SH2D3A: variants seen among roughly 807,000 people sequenced by gnomAD.
SH2D3A encodes the protein SH2 domain-containing protein 3A.
In SH2D3A, 46 loss-of-function variants were observed where a neutral mutation model predicts 50.6. That is an observed-to-expected ratio of 0.91 (90% CI 0.72 to 1.16). The LOEUF is 1.16. SH2D3A is among the 50% of genes most tolerant of loss of function. The probability of loss-of-function intolerance (pLI) is 0.00; values close to 1 mark genes in which losing one functional copy is unlikely to be tolerated. For missense variants in SH2D3A, 783 were observed against 786.2 expected (o/e 1.00, Z 0.05); for synonymous variants, 377 against 348.4 (o/e 1.08, Z -0.91).
In SH2D3A at chr19:6,752,455, C is replaced by A; in HGVS notation, c.*138G>T. On this transcript the variant is annotated 3_prime_UTR_variant, in exon 10 of 10. Coordinates refer to ENST00000245908, the MANE Select transcript of SH2D3A (RefSeq NM_005490.3). ...TTCACCATGGTCCAGGTGACCCTGA[C>A]TGCGGTCCCCACCTCTTCTGTGAGG... 1.4e-6 allele frequency: 1 copy of A among 736,098 alleles called. No homozygotes were observed. Among genetic ancestry groups the A allele is most frequent in the Non-Finnish European group, 2.0e-6 (1 of 510,680 alleles). 45.6% of individuals were successfully genotyped at this position (736,098 alleles called of 1,614,324 possible).
chr19:6,761,193 G>A, intron 2 of SH2D3A: 1 of 576,476 alleles, frequency 1.7e-6, no homozygotes, highest in Non-Finnish European at 3.1e-6. Context: ...AGGTTCCCTT[G>A]CGGCTAGGGT....
intron 4 of SH2D3A, 43 bp from the exon 5 acceptor site, chr19:6,755,358 G>A (rs1437234735): frequency 1.4e-6 from 2 of 1,380,422 alleles, no homozygotes; most frequent in African/African-American, 2.9e-5. Flanking sequence ...ACACAGGGAA[G>A]ATTGCTGAAT....
rs2144624433 is a variant in SH2D3A, at chr19:6,760,878, A to G, written c.179T>C (p.Phe60Ser). 1 of 1,614,134 alleles carries G rather than the reference A, an allele frequency of 6.2e-7. No individual in the cohort carries two copies. Among genetic ancestry groups the G allele is most frequent in the East Asian group, 2.2e-5 (1 of 44,902 alleles). The part of the protein sequence containing the change: ...SCRWRGSALH[F>S]EVFRVALRPR... ...ACGCAGGGCCACACGGAACACCTCA[A>G]AATGGAGGGCTGAGCCCCGCCAGCG... Residue 60 changes from phenylalanine (F) to serine (S), a missense_variant, in exon 3 of 10, where the codon TTT becomes TCT. Coordinates refer to ENST00000245908, the MANE Select transcript of SH2D3A (RefSeq NM_005490.3).
intron 4 of SH2D3A, among the ~76,000 whole-genome samples, chr19:6,756,995 C>A (rs879700662): frequency 1.3e-5 from 2 of 152,076 alleles, no homozygotes; most frequent in Admixed American, 1.3e-4. Context: ...TTCAGCCTCC[C>A]GAGTAGCTGG....
chr19:6,760,825 A>G lies in SH2D3A; in HGVS notation c.232T>C (p.Phe78Leu). Reference protein sequence around the residue: ...RPRPGRPTALFQLEDEQFPSI... With the variant: ...RPRPGRPTALLQLEDEQFPSI... ...GGGAATTGCTCATCCTCCAGTTGAA[A>G]GAGGGCTGTGGGTCGGCCTGGCCGG... Residue 78 changes from phenylalanine to leucine, a missense_variant, in exon 3 of 10, where the codon TTT (phenylalanine) becomes CTT (leucine). Coordinates refer to ENST00000245908, the MANE Select transcript of SH2D3A (RefSeq NM_005490.3). 5.0e-6 allele frequency: 8 copies of G among 1,614,264 alleles called. No individual in the cohort carries two copies. Among genetic ancestry groups the G allele is most frequent in the Non-Finnish European group, 6.8e-6 (8 of 1,180,038 alleles).
At chr19:6,760,504 G>C in intron 3 of SH2D3A, 134 bp downstream of exon 3, 1 of 708,364 alleles carries the variant, frequency 1.4e-6, no homozygotes, top group Non-Finnish European at 2.3e-6. Context: ...GTTGCAGTGA[G>C]CTGAAATCAT....
chr19:6,762,742 C>A (rs113484362), intron 2 of SH2D3A, among the ~76,000 whole-genome samples: 2 of 147,000 alleles, frequency 1.4e-5, no homozygotes, highest in African/African-American at 5.0e-5. Context: ...TGGTTTGGAA[C>A]TCCTGACCTC....
At position 6,754,676 on chromosome 19, in the gene SH2D3A, G is replaced by T; in HGVS notation, c.1037C>A (p.Ser346Tyr). 6.2e-7 allele frequency: 1 copy of T among 1,614,216 alleles called. No individual in the cohort carries two copies. The highest frequency in any genetic ancestry group is 8.5e-7 in the Non-Finnish European group (1 of 1,180,034). The change falls in exon 6 of 10, where the codon TCT becomes TAT. Residue 346 changes from serine (S) to tyrosine (Y), a missense_variant. Transcript: ENST00000245908. ...GGGAAGAGTGAGCAGCTCCAGGCCA[G>T]ATGAGACTCCCATGTTGCCCCGCTG... ...RDQRGNMGVS[S>Y]GLELLTLPHG...
chr19:6,766,610 GAGCACTT>G (rs1241854348), intron 1 of SH2D3A, among the ~76,000 whole-genome samples: 2 of 152,196 alleles, frequency 1.3e-5, no homozygotes, highest in Non-Finnish European at 1.5e-5. Flanking sequence ...ACCATTGCTG[GAGCACTT>G]GCTGTGCACC....
intron 3 of SH2D3A, 124 bp from the exon 4 acceptor site, chr19:6,759,794 G>T: frequency 1.1e-6 from 1 of 881,622 alleles, no homozygotes. Flanking sequence ...GGTGACCTAC[G>T]TCCAGGGGAC....
rs551571895 is a variant in SH2D3A, at chr19:6,762,654, A to G, written c.69+1026T>C. 3.4e-5 allele frequency among the ~76,000 whole-genome samples: 5 copies of G among 147,854 alleles called. No homozygotes were observed. The South Asian group carries it at 6.5e-4, about 19-fold the overall frequency. ...CCTGAGTAGTTGGGACAACAGGTAC[A>G]TGCCACCCATGCCTGGATAATTTTC... On this transcript the variant is annotated intron_variant, in intron 2 of 9. Transcript: ENST00000245908.
rs1969989112 is a variant in SH2D3A, at chr19:6,761,057, C to G, written c.70-70G>C. On this transcript the variant is annotated intron_variant, in intron 2 of 9. Transcript: ENST00000245908. ...GGGCAGTGGTTAATGGTAGCTCCCC[C>G]CACCATTGCCCCCACCACCCAAGAA... 1.7e-5 allele frequency: 21 copies of G among 1,206,774 alleles called. No homozygotes were observed. In the South Asian group the frequency reaches 3.1e-4, roughly 18 times the overall value. 74.8% of individuals were successfully genotyped at this position (1,206,774 alleles called of 1,614,324 possible).
Position 6,754,671 on chromosome 19 carries a change from G to A in SH2D3A, c.1042C>T (p.Leu348=). 1 of 1,614,208 alleles carries A rather than the reference G, an allele frequency of 6.2e-7. No individual in the cohort carries two copies. Among genetic ancestry groups the A allele is most frequent in the East Asian group, 2.2e-5 (1 of 44,882 alleles). ...QRGNMGVSSG[L]ELLTLPHGHH... ...CCATGGGGAAGAGTGAGCAGCTCCA[G>A]GCCAGATGAGACTCCCATGTTGCCC... The change falls in exon 6 of 10, where the codon CTG becomes TTG. Residue 348 remains leucine (L), a synonymous_variant. Coordinates refer to ENST00000245908, the MANE Select transcript of SH2D3A (RefSeq NM_005490.3).
At chr19:6,755,351 C>T (rs780852571) in intron 4 of SH2D3A, 36 bp from the exon 5 acceptor site, 1 of 1,411,728 alleles carries the variant, frequency 7.1e-7, no homozygotes, top group Non-Finnish European at 9.4e-7. Context: ...TGGGAATACA[C>T]AGGGAAGATT....
intron 4 of SH2D3A, among the ~76,000 whole-genome samples, chr19:6,755,801 G>A (rs62125122): frequency 0.09 from 13,727 of 151,920 alleles, 648 homozygotes; most frequent in African/African-American, 0.11. Flanking sequence ...AAAAAAGGAT[G>A]AGCGTGGTGG....
In SH2D3A at chr19:6,754,077, C is replaced by T; in HGVS notation, c.1359G>A (p.Leu453=). 1 of 1,610,338 alleles carries T rather than the reference C, an allele frequency of 6.2e-7. No homozygotes were observed. The highest frequency in any genetic ancestry group is 8.5e-7 in the Non-Finnish European group (1 of 1,177,906). The change falls in exon 8 of 10, where the codon CTG becomes CTA. Residue 453 remains leucine, a synonymous_variant. Transcript: ENST00000245908. ...ALAFEQELKP[L]MRALDEGAGP... Reference sequence around the variant, plus strand: ...CAGCGCCCTCATCCAGAGCCCGCATCAGCGGCTTCAGCTCCTGCTCAAAGG... The same window carrying T: ...CAGCGCCCTCATCCAGAGCCCGCATTAGCGGCTTCAGCTCCTGCTCAAAGG...
At chr19:6,754,450 T>C in intron 6 of SH2D3A, 25 bp from the exon 7 acceptor site, 1 of 1,529,092 alleles carries the variant, frequency 6.5e-7, no homozygotes, top group Non-Finnish European at 8.7e-7. Context: ...GGCAAGGGTC[T>C]GGGGGAAGTG....
At chr19:6,762,142 T>A (rs1002756774) in intron 2 of SH2D3A, among the ~76,000 whole-genome samples, 1 of 152,164 alleles carries the variant, frequency 6.6e-6, no homozygotes, top group African/African-American at 2.4e-5. Context: ...TGTTAACTCT[T>A]GTAATTCCTG....
chr19:6,753,742 C>A lies in SH2D3A; in HGVS notation c.1385-101G>T, dbSNP rs112720469. The A allele has an allele frequency of 1.5e-3, 1,940 of 1,259,172 alleles. 14 individuals carry two copies. The African/African-American group carries it at 0.024, about 16-fold the overall frequency. 78.0% of individuals were successfully genotyped at this position (1,259,172 alleles called of 1,614,324 possible). ...TGCAGGGGCGGGGCTTAGGACTGAG[C>A]GACAGCGGGGTCTGTGGAGAGGGGC... is the stretch of plus-strand genomic sequence containing the variant. On this transcript the variant is annotated intron_variant, in intron 8 of 9. Transcript: ENST00000245908.
Sources: allele counts gnomAD v4.1 joint callset (sites outside exome capture counted in the v4.1 genomes callset), GRCh38; gene constraint gnomAD v4.1.1; transcripts MANE v1.5; gene names NCBI Gene and HGNC (gene_info 2026-07-23, HGNC 2026-07-21).